NOB1: variants seen among roughly 807,000 people sequenced by gnomAD.
NOB1 encodes RNA-binding protein NOB1.
In NOB1, 44 loss-of-function variants were observed where a neutral mutation model predicts 44.8. That is an observed-to-expected ratio of 0.98 (90% CI 0.77 to 1.26). The LOEUF (loss-of-function observed/expected upper bound fraction) is 1.26. NOB1 is among the 50% of genes most tolerant of loss of function. The pLI, the probability that NOB1 is intolerant of heterozygous loss-of-function variation, is 0.00. For synonymous variants in NOB1, 238 were observed against 218.7 expected (o/e 1.09, Z -0.78); for missense variants, 560 against 544.8 (o/e 1.03, Z -0.28).
intron 8 of NOB1, among the ~76,000 whole-genome samples, chr16:69,743,407 TATAA>T (rs2038401511): frequency 6.6e-6 from 1 of 152,226 alleles, no homozygotes; most frequent in Non-Finnish European, 1.5e-5. Flanking sequence ...AATTAAGTAT[TATAA>T]ATAACTTTAC....
rs745661273 is a variant in NOB1 at position 69,754,611 on chromosome 16, G to A, written c.179C>T (p.Pro60Leu). ...PYELRFKEPLPEYVRLVTEFS... is the reference protein window; with the variant it reads ...PYELRFKEPLLEYVRLVTEFS... ...GCACTCACCCAGCCGCACGTATTCC[G>A]GTAAGGGCTCCTTGAACCGCAGCTC... is the stretch of plus-strand genomic sequence containing the variant. The change falls in exon 2 of 9, where the codon CCG (proline) becomes CTG (leucine). Residue 60 changes from proline to leucine, a missense_variant. Coordinates refer to ENST00000268802, the MANE Select transcript of NOB1 (RefSeq NM_014062.3). 5 of 1,614,004 alleles carry A rather than the reference G, an allele frequency of 3.1e-6. No individual in the cohort carries two copies. Among genetic ancestry groups the A allele is most frequent in the African/African-American group, 1.3e-5 (1 of 74,936 alleles).
At chr16:69,746,339 G>A (rs2038430822) in intron 7 of NOB1, among the ~76,000 whole-genome samples, 1 of 152,222 alleles carries the variant, frequency 6.6e-6, no homozygotes, top group Non-Finnish European at 1.5e-5. Flanking sequence ...TGCCACCCTA[G>A]AGTAGGTCCT....
rs868114755 is a variant in NOB1, at chr16:69,752,315, G to C, written c.253C>G (p.Gln85Glu). 1.2e-6 allele frequency: 2 copies of C among 1,613,886 alleles called. No homozygotes were observed. Among genetic ancestry groups the C allele is most frequent in the African/African-American group, 1.3e-5 (1 of 75,046 alleles). ...AACTGGTATGTGAGTGCAAGCACTT[G>C]GATGTCCGTGGCAGAGAGGCTGGGG... ...DYPSLSATDI[Q>E]VLALTYQLEA... Residue 85 changes from glutamine (Q) to glutamate (E), a missense_variant, in exon 3 of 9, where the codon CAA (glutamine) becomes GAA (glutamate). By Grantham distance (29) the Gln-to-Glu change is conservative (BLOSUM62 2). Transcript: ENST00000268802.
Position 69,749,006 on chromosome 16 carries a change from T to C in NOB1, c.638A>G (p.Asn213Ser). 1 of 1,614,248 alleles carries C rather than the reference T, an allele frequency of 6.2e-7. No homozygotes were observed. The highest frequency in any genetic ancestry group is 8.5e-7 in the Non-Finnish European group (1 of 1,180,042). The change falls in exon 6 of 9, where the codon AAC becomes AGC. Residue 213 changes from asparagine to serine, a missense_variant. Coordinates refer to ENST00000268802, the MANE Select transcript of NOB1 (RefSeq NM_014062.3). ...CAGCTCCTGCTGGATCTGCTTGATG[T>C]TACTGGGGGTTATCCAGCCACCCCC... ...DDGGGWITPSNIKQIQQELEQ... is the reference protein window; with the variant it reads ...DDGGGWITPSSIKQIQQELEQ...
At chr16:69,749,797 G>A (rs1366957852) in intron 3 of NOB1, among the ~76,000 whole-genome samples, 167 bp from the exon 4 acceptor site, 1 of 151,770 alleles carries the variant, frequency 6.6e-6, no homozygotes, top group Non-Finnish European at 1.5e-5. Context: ...GGCCAACGTG[G>A]CGAAACCCTG....
intron 8 of NOB1, among the ~76,000 whole-genome samples, chr16:69,743,546 G>A (rs2038402869): frequency 6.6e-6 from 1 of 152,142 alleles, no homozygotes; most frequent in Non-Finnish European, 1.5e-5. Flanking sequence ...ATCACCTCTG[G>A]CGTGTTCCTG....
At chr16:69,749,394 A>C in intron 4 of NOB1, 56 bp from the exon 5 acceptor site, 1 of 1,578,570 alleles carries the variant, frequency 6.3e-7, no homozygotes, top group African/African-American at 1.4e-5. Flanking sequence ...GCCACCTCTC[A>C]GGTCACAGAT....
At chr16:69,744,236 G>A (rs1170993697) in intron 8 of NOB1, among the ~76,000 whole-genome samples, 2 of 152,136 alleles carry the variant, frequency 1.3e-5, no homozygotes, top group Admixed American at 6.5e-5. Flanking sequence ...CAGGAGAATC[G>A]CTTGAACCCC....
intron 6 of NOB1, 112 bp downstream of exon 6, chr16:69,748,806 A>C (rs2038455505): frequency 9.8e-7 from 1 of 1,021,304 alleles, no homozygotes; most frequent in Non-Finnish European, 1.4e-6. Flanking sequence ...GGTGGTTTCC[A>C]GAACCAGGAA....
chr16:69,747,747 A>G (rs1227375648), intron 7 of NOB1, among the ~76,000 whole-genome samples: 1 of 152,136 alleles, frequency 6.6e-6, no homozygotes, highest in Admixed American at 6.6e-5. Context: ...GTCACTGGCA[A>G]CCTCTGTCCC....
Position 69,754,832 on chromosome 16 carries a change from A to C in NOB1, c.63+16T>G. ...CCAGCCCAGATCTCTCTCGTCCCGG[A>C]GGGAGCTCCCCGTACCTGCAGAGCC... On this transcript the variant is annotated intron_variant, in intron 1 of 8. Transcript: ENST00000268802. 3.7e-6 allele frequency: 6 copies of C among 1,605,416 alleles called. No homozygotes were observed. The highest frequency in any genetic ancestry group is 5.1e-6 in the Non-Finnish European group (6 of 1,176,724).
In NOB1 at chr16:69,754,833, G is replaced by C; in HGVS notation, c.63+15C>G. ...CAGCCCAGATCTCTCTCGTCCCGGA[G>C]GGAGCTCCCCGTACCTGCAGAGCCG... On this transcript the variant is annotated intron_variant, in intron 1 of 8. Coordinates refer to ENST00000268802, the MANE Select transcript of NOB1 (RefSeq NM_014062.3). 1 of 1,605,262 alleles carries C rather than the reference G, an allele frequency of 6.2e-7. No individual in the cohort carries two copies.
At chr16:69,749,811 C>A (rs1314977505) in intron 3 of NOB1, among the ~76,000 whole-genome samples, 181 bp from the exon 4 acceptor site, 8 of 151,636 alleles carry the variant, frequency 5.3e-5, no homozygotes, top group African/African-American at 1.5e-4. Flanking sequence ...AACCCTGTCT[C>A]TACTAAAAAT....
At chr16:69,743,768 T>G (rs112976531) in intron 8 of NOB1, among the ~76,000 whole-genome samples, 26 of 152,340 alleles carry the variant, frequency 1.7e-4, no homozygotes, top group South Asian at 4.1e-4. Flanking sequence ...AAAAATCCCC[T>G]TCTTTTGTCA....
Position 69,748,235 on chromosome 16 carries a change from A to G in NOB1, c.821T>C (p.Phe274Ser). The G allele has an allele frequency of 6.2e-7, 1 of 1,612,650 alleles. No individual in the cohort carries two copies. Among genetic ancestry groups the G allele is most frequent in the South Asian group, 1.1e-5 (1 of 91,042 alleles). The change falls in exon 7 of 9, where the codon TTC (phenylalanine) becomes TCC (serine). Residue 274 changes from phenylalanine (F) to serine (S), a missense_variant. Transcript: ENST00000268802. ...GGCCAGGGCACCAGCTACATACTTGAAACAGCCATGGCAGCGCAAGATGTA... is the reference window on the plus strand; with the variant it reads ...GGCCAGGGCACCAGCTACATACTTGGAACAGCCATGGCAGCGCAAGATGTA... The part of the protein sequence containing the change: ...RSYILRCHGC[F>S]KTTSDMSRVF...
At chr16:69,746,492 G>A (rs1414607782) in intron 7 of NOB1, among the ~76,000 whole-genome samples, 1 of 152,366 alleles carries the variant, frequency 6.6e-6, no homozygotes, top group Middle Eastern at 3.4e-3. Flanking sequence ...GCAATGAGAG[G>A]TCAGTGGTCA....
rs781346612 is a variant in NOB1 at position 69,742,237 on chromosome 16, C to T, written c.*95G>A. ...CGTGAAGCCCGCCTGTTATTTCCATCGGGTGGTCCTGGAGACGACACGGCT... is the reference window on the plus strand; with the variant it reads ...CGTGAAGCCCGCCTGTTATTTCCATTGGGTGGTCCTGGAGACGACACGGCT... On this transcript the variant is annotated 3_prime_UTR_variant, in exon 9 of 9. Coordinates refer to ENST00000268802, the MANE Select transcript of NOB1 (RefSeq NM_014062.3). The T allele has an allele frequency of 8.8e-6, 13 of 1,472,570 alleles. No homozygotes were observed. Among genetic ancestry groups the T allele is most frequent in the South Asian group, 5.2e-5 (4 of 76,520 alleles). The allele number at this position is 1,472,570 out of a possible 1,614,324, so 91.2% of individuals were successfully genotyped here.
chr16:69,742,538 G>A lies in NOB1; in HGVS notation c.1033C>T (p.Arg345Cys), dbSNP rs367776601. The part of the protein sequence containing the change: ...AINPHLTEDQ[R>C]FPQLRLSQKA... ...TGGGAGAGTCGCAGCTGAGGGAAGC[G>A]CTGATCCTCGGTGAGATGGGGGTTG... is the stretch of plus-strand genomic sequence containing the variant. The change falls in exon 9 of 9, where the codon CGC (arginine) becomes TGC (cysteine). Residue 345 changes from arginine (R) to cysteine (C), a missense_variant. By Grantham distance (180) the Arg-to-Cys change is radical (BLOSUM62 -3). Transcript: ENST00000268802. 5.6e-6 allele frequency: 9 copies of A among 1,614,144 alleles called. No homozygotes were observed. The East Asian group carries it at 6.7e-5, about 12-fold the overall frequency.
At position 69,745,137 on chromosome 16, in the gene NOB1, A is replaced by G; in HGVS notation, c.825-120T>C. 3 of 1,008,546 alleles carry G rather than the reference A, an allele frequency of 3.0e-6. No individual in the cohort carries two copies. The East Asian group carries it at 7.7e-5, about 26-fold the overall frequency. 62.5% of individuals were successfully genotyped at this position (1,008,546 alleles called of 1,614,324 possible). The stretch of plus-strand genomic sequence containing the variant: ...ACAGGGAAGGGCTGAACCGCACCAC[A>G]CATGTCACAAAGACGGAGGCCACTG... On this transcript the variant is annotated intron_variant, in intron 7 of 8. Transcript: ENST00000268802.
Sources: allele counts gnomAD v4.1 joint callset (sites outside exome capture counted in the v4.1 genomes callset), GRCh38; gene constraint gnomAD v4.1.1; transcripts MANE v1.5; gene names NCBI Gene and HGNC (gene_info 2026-07-23, HGNC 2026-07-21).